YIPF5: variants seen among roughly 807,000 people sequenced by gnomAD.
YIPF5 encodes the protein Yip1 domain family member 5.
Under a neutral mutation model 30.4 loss-of-function variants are expected in YIPF5, and 8 were observed. The ratio of observed to expected loss-of-function variants is 0.26; its 90% CI spans 0.15 to 0.47. YIPF5 has a LOEUF of 0.47. YIPF5 is among the 20% of genes least tolerant of loss of function. The pLI, the probability that YIPF5 is intolerant of heterozygous loss-of-function variation, is 0.99. For synonymous variants in YIPF5, 104 were observed against 107.9 expected (o/e 0.96, Z 0.23); for missense variants, 282 against 301.8 (o/e 0.93, Z 0.49).
Position 144,165,552 on chromosome 5 carries a change from T to C in YIPF5, c.163A>G (p.Met55Val), listed in dbSNP as rs770955021. The change falls in exon 3 of 6, where the codon ATG becomes GTG. Residue 55 changes from methionine to valine, a missense_variant. By Grantham distance (21) the Met-to-Val change is conservative. Coordinates refer to ENST00000274496, the MANE Select transcript of YIPF5 (RefSeq NM_030799.9). The stretch of plus-strand genomic sequence containing the variant: ...GTGTATGGCTGTTGTGGCTGCATCA[T>C]GTCTGGAGGGACAAATCTGCCTTGC... ...SQQGRFVPPD[M>V]MQPQQPYTGQ... is the part of the protein sequence containing the mutation. 3.1e-6 allele frequency: 5 copies of C among 1,614,186 alleles called. No homozygotes were observed. Among genetic ancestry groups the C allele is most frequent in the Middle Eastern group, 1.7e-4 (1 of 6,060 alleles).
Position 144,158,368 on chromosome 5 carries a change from AAAT to A in YIPF5, c.*2026_*2028del. ...CCTTATTATTTTGGAGCAAAATAAAAAATAACCACCACAAAAAAAATCTCTACA... is the reference window on the plus strand; with the variant it reads ...CCTTATTATTTTGGAGCAAAATAAAAAACCACCACAAAAAAAATCTCTACA... On this transcript the variant is annotated 3_prime_UTR_variant, in exon 6 of 6. Transcript: ENST00000274496. The A allele has an allele frequency of 8.7e-7, 1 of 1,152,922 alleles. No individual in the cohort carries two copies. The highest frequency in any genetic ancestry group is 1.1e-6 in the Non-Finnish European group (1 of 880,542). 71.4% of individuals were successfully genotyped at this position (1,152,922 alleles called of 1,614,324 possible).
Position 144,158,397 on chromosome 5 carries a change from ATAATT to A in YIPF5, c.*1995_*1999del, listed in dbSNP as rs1751928444. Reference sequence around the variant, plus strand: ...AACCACCACAAAAAAAATCTCTACAATAATTTAAACTAAAAATGTTGTTGAGGATA... The same window carrying A: ...AACCACCACAAAAAAAATCTCTACAATAAACTAAAAATGTTGTTGAGGATA... On this transcript the variant is annotated 3_prime_UTR_variant, in exon 6 of 6. Transcript: ENST00000274496. The A allele has an allele frequency of 1.1e-5, 14 of 1,234,706 alleles. No individual in the cohort carries two copies. Among genetic ancestry groups the A allele is most frequent in the South Asian group, 4.0e-5 (3 of 74,394 alleles). 76.5% of individuals were successfully genotyped at this position (1,234,706 alleles called of 1,614,324 possible).
chr5:144,158,325 G>T lies in YIPF5; in HGVS notation c.*2072C>A. The T allele has an allele frequency of 1.3e-6, 1 of 792,610 alleles. No homozygotes were observed. The highest frequency in any genetic ancestry group is 1.9e-5 in the African/African-American group (1 of 53,072). 49.1% of individuals were successfully genotyped at this position (792,610 alleles called of 1,614,324 possible). On this transcript the variant is annotated 3_prime_UTR_variant, in exon 6 of 6. Coordinates refer to ENST00000274496, the MANE Select transcript of YIPF5 (RefSeq NM_030799.9). ...GCTGTTTTGACAGAGCAACAGTTAAGCATAAAATAGCTTTGCACCTTATTA... is the reference window on the plus strand; with the variant it reads ...GCTGTTTTGACAGAGCAACAGTTAATCATAAAATAGCTTTGCACCTTATTA...
chr5:144,163,221 T>A (rs949873565), intron 4 of YIPF5, among the ~76,000 whole-genome samples: 1 of 152,172 alleles, frequency 6.6e-6, no homozygotes, highest in Admixed American at 6.5e-5. Context: ...ATTAGGAGAA[T>A]GCCTCTACAG....
At position 144,158,922 on chromosome 5, in the gene YIPF5, A is replaced by T. The variant is rs1032601111; in HGVS notation, c.*1475T>A. On this transcript the variant is annotated 3_prime_UTR_variant, in exon 6 of 6. Coordinates refer to ENST00000274496, the MANE Select transcript of YIPF5 (RefSeq NM_030799.9). Reference sequence around the variant, plus strand: ...TAGTCTGAAAATCTCTTTAAAAAAAAAAAAAAGGCAGTATTTTCCTCCCTG... The same window carrying T: ...TAGTCTGAAAATCTCTTTAAAAAAATAAAAAAGGCAGTATTTTCCTCCCTG... The T allele has an allele frequency of 7.0e-5, 69 of 985,408 alleles. No individual in the cohort carries two copies. The highest frequency in any genetic ancestry group is 7.7e-5 in the Non-Finnish European group (64 of 830,196). 61.0% of individuals were successfully genotyped at this position (985,408 alleles called of 1,614,324 possible).
chr5:144,160,321 T>C lies in YIPF5; in HGVS notation c.*76A>G. The C allele has an allele frequency of 6.5e-7, 1 of 1,539,918 alleles. No individual in the cohort carries two copies. Among genetic ancestry groups the C allele is most frequent in the Non-Finnish European group, 8.8e-7 (1 of 1,142,236 alleles). The stretch of plus-strand genomic sequence containing the variant: ...CTGCATGAGAGTTGCGCTGCAGCAG[T>C]TTGCTGGTCCAATTTAAGAGTTCAA... On this transcript the variant is annotated 3_prime_UTR_variant, in exon 6 of 6. Coordinates refer to ENST00000274496, the MANE Select transcript of YIPF5 (RefSeq NM_030799.9).
Position 144,159,994 on chromosome 5 carries a change from T to C in YIPF5, c.*403A>G, listed in dbSNP as rs529031771. 2.1e-4 allele frequency: 210 copies of C among 987,632 alleles called. 1 individual carries two copies. The highest frequency in any genetic ancestry group is 2.1e-3 in the South Asian group (45 of 21,448). The allele number at this position is 987,632 out of a possible 1,614,324, so 61.2% of individuals were successfully genotyped here. A position where few individuals can be genotyped will look rare whatever the true frequency, so the allele number is the denominator to read the frequency against. On this transcript the variant is annotated 3_prime_UTR_variant, in exon 6 of 6. Transcript: ENST00000274496. Reference sequence around the variant, plus strand: ...AAGTGCTGGGATTACAGGCGTGAGCTACCACGCCCGGCCGTCTTGTGTCTT... The same window carrying C: ...AAGTGCTGGGATTACAGGCGTGAGCCACCACGCCCGGCCGTCTTGTGTCTT...
chr5:144,162,089 C>CT, intron 5 of YIPF5, 129 bp downstream of exon 5: 5 of 965,500 alleles, frequency 5.2e-6, no homozygotes, highest in Non-Finnish European at 7.8e-6. Context: ...CCATTTGGCA[C>CT]TGTCCCTACT....
At chr5:144,169,769 T>C (rs2126764279) in intron 2 of YIPF5, 77 bp downstream of exon 2, 1 of 1,221,214 alleles carries the variant, frequency 8.2e-7, no homozygotes. Context: ...CATATTGTTT[T>C]AGGCAGAACC....
Position 144,159,250 on chromosome 5 carries a change from T to G in YIPF5, c.*1147A>C, listed in dbSNP as rs905083648. ...AAAGAGAACAGTAGTTTAGTAAAAG[T>G]AAATTCAATAACACAGTTAAAATTA... is the stretch of plus-strand genomic sequence containing the variant. On this transcript the variant is annotated 3_prime_UTR_variant, in exon 6 of 6. Coordinates refer to ENST00000274496, the MANE Select transcript of YIPF5 (RefSeq NM_030799.9). 7 of 977,240 alleles carry G rather than the reference T, an allele frequency of 7.2e-6. No individual in the cohort carries two copies. The African/African-American group carries it at 1.2e-4, about 17-fold the overall frequency. The allele number at this position is 977,240 out of a possible 1,614,324, so 60.5% of individuals were successfully genotyped here.
In YIPF5 at chr5:144,170,161, T is replaced by G. The variant is rs559631384; in HGVS notation, c.-10-196A>C. ...TAAGAAAATGTATATTCTTTTAAGT[T>G]GCGGCCCAGTAAGACAACTCCACCT... is the stretch of plus-strand genomic sequence containing the variant. On this transcript the variant is annotated intron_variant, in intron 1 of 5. Coordinates refer to ENST00000274496, the MANE Select transcript of YIPF5 (RefSeq NM_030799.9). 44 of 566,900 alleles carry G rather than the reference T, an allele frequency of 7.8e-5. 1 individual carries two copies. Among genetic ancestry groups the G allele is most frequent in the Non-Finnish European group, 1.1e-4 (36 of 317,358 alleles). 35.1% of individuals were successfully genotyped at this position (566,900 alleles called of 1,614,324 possible). A position where few individuals can be genotyped will look rare whatever the true frequency, so the allele number is the denominator to read the frequency against.
chr5:144,161,064 AAG>A (rs1336072971), intron 5 of YIPF5, among the ~76,000 whole-genome samples: 19 of 152,222 alleles, frequency 1.2e-4, no homozygotes, highest in African/African-American at 3.4e-4. Context: ...CTTAATAAAT[AAG>A]AGTGATTTCT....
intron 4 of YIPF5, 137 bp downstream of exon 4, chr5:144,163,974 C>G: frequency 1.1e-6 from 1 of 930,652 alleles, no homozygotes; most frequent in South Asian, 2.4e-5. Context: ...GGTATAAATA[C>G]AAGCAACTCA....
At chr5:144,170,080 A>G (rs1752327257) in intron 1 of YIPF5, 115 bp from the exon 2 acceptor site, 1 of 777,400 alleles carries the variant, frequency 1.3e-6, no homozygotes, top group Admixed American at 2.1e-5. Flanking sequence ...AGTAATTCGG[A>G]GAGGGGATGG....
rs1027520391 is a variant in YIPF5, at chr5:144,158,893, T to C, written c.*1504A>G. The C allele has an allele frequency of 1.4e-5, 14 of 983,536 alleles. No individual in the cohort carries two copies. In the African/African-American group the frequency reaches 2.3e-4, roughly 16 times the overall value. The allele number at this position is 983,536 out of a possible 1,614,324, so 60.9% of individuals were successfully genotyped here. A position where few individuals can be genotyped will look rare whatever the true frequency, so the allele number is the denominator to read the frequency against. On this transcript the variant is annotated 3_prime_UTR_variant, in exon 6 of 6. Transcript: ENST00000274496. ...CATTGATACATCATTTTGACATTTC[T>C]ATTTAGTCTGAAAATCTCTTTAAAA...
intron 2 of YIPF5, among the ~76,000 whole-genome samples, chr5:144,168,407 A>G (rs1486795614): frequency 1.3e-5 from 2 of 152,320 alleles, no homozygotes; most frequent in South Asian, 2.1e-4. Context: ...ACAGGCCTGC[A>G]TAGAGAGACA....
Position 144,160,542 on chromosome 5 carries a change from A to G in YIPF5, c.629T>C (p.Ile210Thr). The change falls in exon 6 of 6, where the codon ATT becomes ACT. Residue 210 changes from isoleucine to threonine, a missense_variant. Coordinates refer to ENST00000274496, the MANE Select transcript of YIPF5 (RefSeq NM_030799.9). ...IFSLQGMVGI[I>T]LTAGIIGWCS... ...CCATCCAATAATCCCAGCAGTGAGA[A>G]TGATTCCTACCATTCCTCTGTAAAC... 1 of 1,613,646 alleles carries G rather than the reference A, an allele frequency of 6.2e-7. No homozygotes were observed. Among genetic ancestry groups the G allele is most frequent in the Non-Finnish European group, 8.5e-7 (1 of 1,179,898 alleles).
At position 144,169,852 on chromosome 5, in the gene YIPF5, T is replaced by C. The variant is rs767253659; in HGVS notation, c.104A>G (p.Tyr35Cys). The C allele has an allele frequency of 1.9e-6, 3 of 1,613,444 alleles. No individual in the cohort carries two copies. The highest frequency in any genetic ancestry group is 8.5e-7 in the Non-Finnish European group (1 of 1,179,380). ...SYDYGGSGGP[Y>C]SKQYAGYDYS... ...GCCAAAGATGAAAAGTTACTTGCTA[T>C]AGGGTCCTCCACTTCCTCCATAATC... The change falls in exon 2 of 6, where the codon TAT becomes TGT. Residue 35 changes from tyrosine to cysteine, a missense_variant. By Grantham distance (194) the Tyr-to-Cys change is radical. Coordinates refer to ENST00000274496, the MANE Select transcript of YIPF5 (RefSeq NM_030799.9).
At chr5:144,166,548 G>C (rs1752206763) in intron 2 of YIPF5, among the ~76,000 whole-genome samples, 1 of 152,096 alleles carries the variant, frequency 6.6e-6, no homozygotes, top group Non-Finnish European at 1.5e-5. Context: ...AATTCTTATA[G>C]TCATAATGTC....
Sources: gnomAD v4.1 joint callset for allele counts (sites outside exome capture counted in the v4.1 genomes callset) on GRCh38, gnomAD v4.1.1 for gene constraint, MANE v1.5 for transcripts, NCBI Gene and HGNC (gene_info 2026-07-23, HGNC 2026-07-21) for gene names.